Variants in OR1J2 observed in about 807,000 individuals in gnomAD.
OR1J2 encodes the protein olfactory receptor 1J2.
For missense variants in OR1J2, 304 were observed against 246.1 expected, an observed-to-expected ratio of 1.24 and a Z score of -1.57; for synonymous variants, 142 against 99.7, an observed-to-expected ratio of 1.42 and a Z score of -2.52.
chr9:122,563,812 G>C, the OR1J2 span, among the ~76,000 whole-genome samples: 1 of 152,184 alleles, frequency 6.6e-6, no homozygotes, highest in African/African-American at 2.4e-5. Context: ...TAGAGATCTA[G>C]TTATTCTTTT....
chr9:122,568,029 C>G, the OR1J2 span: 3 of 1,613,834 alleles, frequency 1.9e-6, no homozygotes, highest in African/African-American at 2.7e-5. Flanking sequence ...AGGAAATGAG[C>G]AGGAGAAGGC....
At chr9:122,527,257 G>T in the OR1J2 span, 1 of 1,611,878 alleles carries the variant, frequency 6.2e-7, no homozygotes, top group Non-Finnish European at 8.5e-7. Context: ...GATATTCCTC[G>T]GAGGAAAAAT....
chr9:122,449,893 AG>A, the OR1J2 span, among the ~76,000 whole-genome samples: 2 of 152,088 alleles, frequency 1.3e-5, no homozygotes, highest in Non-Finnish European at 2.9e-5. Flanking sequence ...GGTTTTCTTG[AG>A]GCTGAAAAAA....
chr9:122,526,476 G>C, the OR1J2 span: 14 of 1,568,218 alleles, frequency 8.9e-6, no homozygotes, highest in South Asian at 1.7e-4. Flanking sequence ...GTACATTGCA[G>C]CTGCTGCAAT....
chr9:122,525,626 CTCATCT>C, the OR1J2 span, among the ~76,000 whole-genome samples: 1 of 152,124 alleles, frequency 6.6e-6, no homozygotes, highest in African/African-American at 2.4e-5. Context: ...CCACGTTCCT[CTCATCT>C]AATAGTCACT....
the OR1J2 span, chr9:122,553,192 G>A: frequency 1.2e-6 from 2 of 1,611,764 alleles, no homozygotes; most frequent in Non-Finnish European, 1.7e-6. Context: ...TATCTGCGCA[G>A]ATCACACGAA....
At chr9:122,503,871 C>A in the OR1J2 span, among the ~76,000 whole-genome samples, 2 of 152,160 alleles carry the variant, frequency 1.3e-5, no homozygotes, top group African/African-American at 4.8e-5. Flanking sequence ...TTGTTTAGAG[C>A]CACCCTGATC....
chr9:122,555,784 A>T, the OR1J2 span, among the ~76,000 whole-genome samples: 1 of 152,196 alleles, frequency 6.6e-6, no homozygotes, highest in Non-Finnish European at 1.5e-5. Context: ...GAAAGTTCCC[A>T]TATACTTTAT....
At chr9:122,461,913 T>C in the OR1J2 span, among the ~76,000 whole-genome samples, 1 of 152,214 alleles carries the variant, frequency 6.6e-6, no homozygotes, top group African/African-American at 2.4e-5. Context: ...TAGAATGTTC[T>C]GTAAATATGT....
chr9:122,515,389 T>TGTGTGTGTGTGTGG (rs1373593988), downstream of OR1J2, among the ~76,000 whole-genome samples: 1 of 151,796 alleles, frequency 6.6e-6, no homozygotes, highest in African/African-American at 2.4e-5. Context: ...TGTGTGTGTG[T>TGTGTGTGTGTGTGG]GTATACGGGT....
chr9:122,489,778 G>C, the OR1J2 span, among the ~76,000 whole-genome samples: 1 of 152,092 alleles, frequency 6.6e-6, no homozygotes, highest in Middle Eastern at 3.2e-3. Flanking sequence ...TCCACATTGG[G>C]CCTCAATTTG....
chr9:122,539,291 T>C, the OR1J2 span, among the ~76,000 whole-genome samples: 3 of 151,520 alleles, frequency 2.0e-5, no homozygotes, highest in Non-Finnish European at 1.5e-5. Context: ...CATGCCCTGG[T>C]GTGTGATGTT....
chr9:122,541,338 A>G, the OR1J2 span, among the ~76,000 whole-genome samples: 40 of 152,334 alleles, frequency 2.6e-4, no homozygotes, highest in African/African-American at 9.1e-4. Context: ...AGAAACCGGC[A>G]TCCTTTGGTG....
At chr9:122,571,731 T>A in the OR1J2 span, among the ~76,000 whole-genome samples, 1 of 136,564 alleles carries the variant, frequency 7.3e-6, no homozygotes. Context: ...AAAAAAAAAA[T>A]TGACCATGCA....
At chr9:122,452,713 T>A in the OR1J2 span, among the ~76,000 whole-genome samples, 2 of 151,892 alleles carry the variant, frequency 1.3e-5, no homozygotes, top group Non-Finnish European at 2.9e-5. Flanking sequence ...GGGGGTGTGT[T>A]CTCCTGAATT....
chr9:122,492,543 G>A, the OR1J2 span, among the ~76,000 whole-genome samples: 1 of 152,102 alleles, frequency 6.6e-6, no homozygotes, highest in African/African-American at 2.4e-5. Context: ...TCAAATGGTA[G>A]TTCTGTTTTG....
chr9:122,518,122 A>G, the OR1J2 span, among the ~76,000 whole-genome samples: 1 of 152,210 alleles, frequency 6.6e-6, no homozygotes, highest in Non-Finnish European at 1.5e-5. Flanking sequence ...TCCATCAATG[A>G]TAGACTGGAT....
At chr9:122,520,512 C>G in the OR1J2 span, among the ~76,000 whole-genome samples, 1 of 152,104 alleles carries the variant, frequency 6.6e-6, no homozygotes, top group Non-Finnish European at 1.5e-5. Flanking sequence ...GGAGAAGAAA[C>G]TATATAGTAC....
chr9:122,563,514 C>T, the OR1J2 span, among the ~76,000 whole-genome samples: 1 of 152,130 alleles, frequency 6.6e-6, no homozygotes, highest in Admixed American at 6.5e-5. Flanking sequence ...ACATATTAAC[C>T]TCTTGACAGA....
Sources: allele counts gnomAD v4.1 joint callset (sites outside exome capture counted in the v4.1 genomes callset), GRCh38; gene constraint gnomAD v4.1.1; transcripts MANE v1.5; gene names NCBI Gene and HGNC (gene_info 2026-07-23, HGNC 2026-07-21).